PDE11A: variants seen among roughly 807,000 people sequenced by gnomAD.
PDE11A encodes phosphodiesterase 11A.
PDE11A carries 100 observed loss-of-function variants against 100.5 expected under a neutral mutation model. The observed-to-expected ratio is 1.00, with a 90% CI of 0.85 to 1.18. The LOEUF (loss-of-function observed/expected upper bound fraction) is 1.18. Among genes scored for constraint, PDE11A ranks in the 50% most tolerant of loss-of-function variants. PDE11A has a pLI of 0.00. For synonymous variants in PDE11A, 381 were observed against 420.8 expected, an observed-to-expected ratio of 0.91 and a Z score of 1.16; for missense variants, 1,141 against 1,152.6, an observed-to-expected ratio of 0.99 and a Z score of 0.15.
chr2:177,697,187 C>A, intron 15 of PDE11A, 145 bp downstream of exon 15: 1 of 657,554 alleles, frequency 1.5e-6, no homozygotes, highest in Admixed American at 2.1e-5. Flanking sequence ...TCATTTATAT[C>A]AGAGAGAAAC....
chr2:177,646,306 G>A (rs2080222715), intron 19 of PDE11A, among the ~76,000 whole-genome samples: 1 of 152,150 alleles, frequency 6.6e-6, no homozygotes, highest in Non-Finnish European at 1.5e-5. Context: ...TCTATTCTGT[G>A]GGCCACCTGT....
intron 2 of PDE11A, among the ~76,000 whole-genome samples, chr2:177,962,320 C>G (rs2105790505): frequency 6.6e-6 from 1 of 152,016 alleles, no homozygotes; most frequent in Middle Eastern, 3.4e-3. Flanking sequence ...AATATTTGTT[C>G]AGTAAATAAA....
intron 2 of PDE11A, among the ~76,000 whole-genome samples, chr2:178,102,999 G>C (rs1011780936): frequency 6.6e-6 from 1 of 152,174 alleles, no homozygotes; most frequent in East Asian, 1.9e-4. Context: ...AACAAAGTCA[G>C]AGATTGGAAT....
At chr2:177,839,388 T>A (rs558713499) in intron 6 of PDE11A, among the ~76,000 whole-genome samples, 6 of 152,238 alleles carry the variant, frequency 3.9e-5, no homozygotes, top group Non-Finnish European at 5.9e-5. Context: ...CCCTGCTTTG[T>A]AGCCAGTGTG....
Position 177,701,228 on chromosome 2 carries a change from G to A in PDE11A, c.2154-17C>T. ...GAGCCACTCCTGAAAGAGGACAGAG[G>A]GTGAGTGAGCAGGGCCTATCGATGG... is the stretch of plus-strand genomic sequence containing the variant. On this transcript the variant is annotated splice_polypyrimidine_tract_variant and intron_variant, in intron 13 of 19. Transcript: ENST00000286063. 2 of 1,277,624 alleles carry A rather than the reference G, an allele frequency of 1.6e-6. No individual in the cohort carries two copies. Among genetic ancestry groups the A allele is most frequent in the Non-Finnish European group, 2.3e-6 (2 of 872,968 alleles). 79.1% of individuals were successfully genotyped at this position (1,277,624 alleles called of 1,614,324 possible).
chr2:177,960,394 C>T (rs887034158), intron 2 of PDE11A, among the ~76,000 whole-genome samples: 1 of 151,798 alleles, frequency 6.6e-6, no homozygotes, highest in South Asian at 2.1e-4. Flanking sequence ...TCAACTACAT[C>T]GTAGAATTAA....
In PDE11A at chr2:177,946,123, C is replaced by T. The variant is rs865953950; in HGVS notation, c.1072-40936G>A. On this transcript the variant is annotated intron_variant, in intron 2 of 19. Coordinates refer to ENST00000286063, the MANE Select transcript of PDE11A (RefSeq NM_016953.4). ...GGTGGGGGGGGGTCAGCCCTCCGCC[C>T]GGCCAGCCGCCCCGTCTGGGAGGTG... Among the ~76,000 whole-genome samples the T allele has an allele frequency of 7.0e-3, 660 of 94,532 alleles. 10 individuals are homozygous for T. Among genetic ancestry groups the T allele is most frequent in the African/African-American group, 0.026 (592 of 22,578 alleles). 62.0% of individuals were successfully genotyped at this position (94,532 alleles called of 152,430 possible). A position where few individuals can be genotyped will look rare whatever the true frequency, so the allele number is the denominator to read the frequency against.
chr2:178,058,587 A>T (rs978982636), intron 1 of PDE11A, among the ~76,000 whole-genome samples: 3 of 152,160 alleles, frequency 2.0e-5, no homozygotes, highest in Non-Finnish European at 2.9e-5. Flanking sequence ...AGTCTCGGGT[A>T]TGTCTTTATC....
chr2:177,826,553 T>C (rs187733751), intron 6 of PDE11A, among the ~76,000 whole-genome samples: 1 of 152,322 alleles, frequency 6.6e-6, no homozygotes. Context: ...TACCTGCACA[T>C]AGGATAAATC....
intron 2 of PDE11A, among the ~76,000 whole-genome samples, chr2:177,957,247 T>C (rs1373686914): frequency 1.3e-5 from 2 of 151,128 alleles, no homozygotes; most frequent in Non-Finnish European, 1.5e-5. Flanking sequence ...ATATAATATA[T>C]GCTATTTTTT....
intron 9 of PDE11A, among the ~76,000 whole-genome samples, chr2:177,786,949 G>C (rs1330733023): frequency 6.6e-6 from 1 of 150,430 alleles, no homozygotes; most frequent in Non-Finnish European, 1.5e-5. Flanking sequence ...ATGGAACCAA[G>C]TTGGAAAACA....
intron 2 of PDE11A, among the ~76,000 whole-genome samples, chr2:178,095,590 T>C (rs1057322345): frequency 2.0e-5 from 3 of 152,192 alleles, no homozygotes; most frequent in African/African-American, 7.2e-5. Flanking sequence ...CCCCTTCTCA[T>C]AGCTCCATTA....
chr2:177,809,005 A>T (rs894306145), intron 9 of PDE11A, among the ~76,000 whole-genome samples: 2 of 152,224 alleles, frequency 1.3e-5, no homozygotes, highest in African/African-American at 4.8e-5. Context: ...GAAATAAGCC[A>T]GTCACAAAAG....
chr2:177,819,949 GTGAGATAAAAGAGTTCTAT>G (rs2083110383), intron 7 of PDE11A, among the ~76,000 whole-genome samples: 1 of 148,180 alleles, frequency 6.7e-6, no homozygotes, highest in Non-Finnish European at 1.5e-5. Flanking sequence ...TTTCCACAGG[GTGAGATAAAAGAGTTCTAT>G]TGGTTGATAA....
At chr2:177,686,482 G>C (rs181563812) in intron 15 of PDE11A, among the ~76,000 whole-genome samples, 1 of 152,200 alleles carries the variant, frequency 6.6e-6, no homozygotes, top group Non-Finnish European at 1.5e-5. Flanking sequence ...TGGGAGGATA[G>C]ATTGAGCCTG....
rs79233810 is a variant in PDE11A at position 178,071,639 on chromosome 2, G to A, written c.799C>T (p.Leu267=). The change falls in exon 1 of 20, where the codon CTG becomes TTG. Residue 267 remains leucine (L), a synonymous_variant. Transcript: ENST00000286063. ...GAGTTCTCTGTGCTGCTGCAAGGCA[G>A]CAGAGGTGTTCCTGCATGCACATCA... ...FFDVHAGTPL[L]PCSSTENSNE... is the part of the protein sequence containing the mutation. 4.6e-3 allele frequency: 7,341 copies of A among 1,613,322 alleles called. 17 individuals are homozygous for A. Among genetic ancestry groups the A allele is most frequent in the Non-Finnish European group, 6.0e-3 (7,040 of 1,179,278 alleles).
At chr2:177,834,925 G>A (rs909207324) in intron 6 of PDE11A, among the ~76,000 whole-genome samples, 25 of 151,866 alleles carry the variant, frequency 1.6e-4, no homozygotes, top group African/African-American at 6.0e-4. Context: ...CTCCCTTGTT[G>A]GAGGAGAACC....
intron 15 of PDE11A, among the ~76,000 whole-genome samples, chr2:177,688,593 C>T (rs2080993516): frequency 6.6e-6 from 1 of 152,190 alleles, no homozygotes; most frequent in Non-Finnish European, 1.5e-5. Context: ...ACTTCTCACG[C>T]AGATCATGGG....
chr2:178,065,808 C>T (rs186602022), intron 1 of PDE11A, among the ~76,000 whole-genome samples: 23 of 152,162 alleles, frequency 1.5e-4, no homozygotes, highest in African/African-American at 4.3e-4. Flanking sequence ...CATCAGGGAA[C>T]GAAGCACTCT....
Sources: allele counts gnomAD v4.1 joint callset (sites outside exome capture counted in the v4.1 genomes callset), GRCh38; gene constraint gnomAD v4.1.1; transcripts MANE v1.5; gene names NCBI Gene and HGNC (gene_info 2026-07-23, HGNC 2026-07-21).